The following ROBO2 variants were observed in gnomAD, a reference collection of about 807,000 sequenced individuals.
The protein encoded by ROBO2 is roundabout guidance receptor 2, also known as roundabout homolog 2.
A neutral mutation model predicts 160.8 loss-of-function variants in ROBO2; 53 were observed. The ratio of observed to expected loss-of-function variants is 0.33; its 90% CI spans 0.26 to 0.41. The LOEUF (loss-of-function observed/expected upper bound fraction) is 0.41, where lower values mean the gene tolerates loss of function less well. ROBO2 is among the 10% of genes least tolerant of loss of function. ROBO2 has a pLI of 1.00. For synonymous variants in ROBO2, 664 were observed against 611.7 expected (o/e 1.09, Z -1.26); for missense variants, 1,577 against 1,722.4 (o/e 0.92, Z 1.49).
chr3:77,242,163 G>C (rs12491865), intron 2 of ROBO2, among the ~76,000 whole-genome samples: 50,569 of 151,950 alleles, frequency 0.33, 8,713 homozygotes, highest in Non-Finnish European at 0.37. Context: ...TCACACATTT[G>C]AAGTAAGATT....
chr3:77,588,667 T>C, intron 16 of ROBO2, 84 bp from the exon 18 acceptor site: 3 of 1,293,190 alleles, frequency 2.3e-6, no homozygotes, highest in Non-Finnish European at 3.3e-6. Flanking sequence ...TCAAATAATT[T>C]TTCTTCATTT....
At chr3:76,689,181 G>A (rs1041805121) in intron 2 of ROBO2, among the ~76,000 whole-genome samples, 1 of 151,934 alleles carries the variant, frequency 6.6e-6, no homozygotes, top group Admixed American at 6.6e-5. Context: ...ATTCAATTAT[G>A]TTTCAGAAAT....
At position 77,372,658 on chromosome 3, in the gene ROBO2, C is replaced by T. The variant is rs529093854; in HGVS notation, c.389-104756C>T. Among the ~76,000 whole-genome samples the T allele has an allele frequency of 3.3e-5, 5 of 151,944 alleles. No homozygotes were observed. The East Asian group carries it at 9.7e-4, about 29-fold the overall frequency. ...ATGTAAATTAAAGTTGAAATATTAT[C>T]TGTGTTGAATGGAAGTATACAATTC... is the stretch of plus-strand genomic sequence containing the variant. On this transcript the variant is annotated intron_variant, in intron 2 of 25. Coordinates refer to ENST00000461745, the Ensembl canonical transcript of ROBO2.
intron 21 of ROBO2, among the ~76,000 whole-genome samples, chr3:77,615,701 C>T (rs1323670481): frequency 6.6e-6 from 1 of 152,128 alleles, no homozygotes; most frequent in African/African-American, 2.4e-5. Context: ...TATTCCATTG[C>T]ATGGATGTAA....
At chr3:76,284,975 T>C (rs1708435806) in intron 2 of ROBO2, among the ~76,000 whole-genome samples, 1 of 152,176 alleles carries the variant, frequency 6.6e-6, no homozygotes, top group Non-Finnish European at 1.5e-5. Flanking sequence ...TAGCAAACCT[T>C]TTCTGTGCTG....
chr3:77,395,380 A>C (rs2153505142), intron 2 of ROBO2, among the ~76,000 whole-genome samples: 1 of 152,270 alleles, frequency 6.6e-6, no homozygotes, highest in East Asian at 1.9e-4. Flanking sequence ...TACTTTATTA[A>C]AAATTGAGTG....
At chr3:77,091,105 A>C (rs2070180264) in intron 1 of ROBO2, among the ~76,000 whole-genome samples, 1 of 152,158 alleles carries the variant, frequency 6.6e-6, no homozygotes, top group Non-Finnish European at 1.5e-5. Flanking sequence ...TTGTGGAGGG[A>C]CTAATAGCTG....
Position 76,441,240 on chromosome 3 carries a change from C to T in ROBO2, c.109+503638C>T, listed in dbSNP as rs537986458. On this transcript the variant is annotated intron_variant, in intron 2 of 26. Coordinates refer to the ROBO2 transcript ENST00000487694. The stretch of plus-strand genomic sequence containing the variant: ...AATTACTTGGATAGAGAAAAGTTAT[C>T]GAAGAGTTTCTAAGAAGCCTAGAAT... Among the ~76,000 whole-genome samples, 22 of 152,202 alleles carry T rather than the reference C, an allele frequency of 1.4e-4. No homozygotes were observed. The South Asian group carries it at 3.9e-3, about 27-fold the overall frequency.
chr3:76,694,832 C>T (rs2107311741), intron 2 of ROBO2, among the ~76,000 whole-genome samples: 1 of 152,136 alleles, frequency 6.6e-6, no homozygotes, highest in Middle Eastern at 3.4e-3. Context: ...TTAGTTTTAT[C>T]TTCTTTTATT....
intron 2 of ROBO2, among the ~76,000 whole-genome samples, chr3:76,313,342 T>C (rs1352820404): frequency 6.6e-6 from 1 of 152,246 alleles, no homozygotes; most frequent in East Asian, 1.9e-4. Context: ...CTATTGATGG[T>C]GGTGTGTTAT....
chr3:76,665,845 T>A (rs1209432029), intron 2 of ROBO2, among the ~76,000 whole-genome samples: 1 of 146,726 alleles, frequency 6.8e-6, no homozygotes, highest in Non-Finnish European at 1.5e-5. Flanking sequence ...ATTAAAAATA[T>A]TGTGTGATTG....
chr3:76,774,459 A>G (rs1356138336), intron 2 of ROBO2, among the ~76,000 whole-genome samples: 1 of 150,996 alleles, frequency 6.6e-6, no homozygotes, highest in Non-Finnish European at 1.5e-5. Context: ...AGTCTAATTC[A>G]TCGTATATCT....
At chr3:76,237,530 C>A (rs1456549831) in intron 2 of ROBO2, among the ~76,000 whole-genome samples, 1 of 152,118 alleles carries the variant, frequency 6.6e-6, no homozygotes, top group Non-Finnish European at 1.5e-5. Flanking sequence ...TCCTTTGTAT[C>A]ATTGAGACTT....
chr3:77,469,583 C>T (rs1179209438), intron 2 of ROBO2, among the ~76,000 whole-genome samples: 2 of 151,986 alleles, frequency 1.3e-5, no homozygotes, highest in Non-Finnish European at 2.9e-5. Flanking sequence ...TATGATATAC[C>T]TATAATTTGT....
Position 76,115,529 on chromosome 3 carries a change from A to G in ROBO2, c.109+177927A>G, listed in dbSNP as rs114304909. ...TCTCAGTCCAAGCTGCTTGGTATGT[A>G]AAACTAATTTAAAAATAGATTCTTC... is the stretch of plus-strand genomic sequence containing the variant. On this transcript the variant is annotated intron_variant, in intron 2 of 26. Coordinates refer to the ROBO2 transcript ENST00000487694. Among the ~76,000 whole-genome samples, 715 of 152,258 alleles carry G rather than the reference A, an allele frequency of 4.7e-3. 12 individuals are homozygous for G. The highest frequency in any genetic ancestry group is 0.015 in the African/African-American group (624 of 41,568).
chr3:76,952,119 T>A (rs1042205148), intron 2 of ROBO2, among the ~76,000 whole-genome samples: 1 of 152,192 alleles, frequency 6.6e-6, no homozygotes, highest in Non-Finnish European at 1.5e-5. Flanking sequence ...AGACCTCCCA[T>A]CCCATAGTAG....
At position 76,002,730 on chromosome 3, in the gene ROBO2, C is replaced by G. The variant is rs942823368; in HGVS notation, c.109+65128C>G. Among the ~76,000 whole-genome samples, 4 of 152,070 alleles carry G rather than the reference C, an allele frequency of 2.6e-5. 1 individual carries two copies. The highest frequency in any genetic ancestry group is 2.6e-4 in the Admixed American group (4 of 15,270). On this transcript the variant is annotated intron_variant, in intron 2 of 26. Transcript: ENST00000487694. Reference sequence around the variant, plus strand: ...GCAGCAGGAGAACAGACTAAAACACCAAGAAACACCCAAAGCTTCAAGACA... The same window carrying G: ...GCAGCAGGAGAACAGACTAAAACACGAAGAAACACCCAAAGCTTCAAGACA...
Position 76,318,474 on chromosome 3 carries a change from CA to C in ROBO2, c.109+380875del, listed in dbSNP as rs1429584573. On this transcript the variant is annotated intron_variant, in intron 2 of 26. Transcript: ENST00000487694. ...ACACACATGCATATACACATATTTA[CA>C]AACATATACACACACATTTGTTTAA... 2.6e-5 allele frequency among the ~76,000 whole-genome samples: 4 copies of C among 152,056 alleles called. No homozygotes were observed. The East Asian group carries it at 7.7e-4, about 29-fold the overall frequency.
chr3:76,887,542 G>A (rs958224522), intron 2 of ROBO2, among the ~76,000 whole-genome samples: 7 of 151,838 alleles, frequency 4.6e-5, no homozygotes, highest in Non-Finnish European at 1.0e-4. Flanking sequence ...GGGCAGGAGC[G>A]GGCTGGTCTT....
Sources: gnomAD v4.1 joint callset for allele counts (sites outside exome capture counted in the v4.1 genomes callset) on GRCh38, gnomAD v4.1.1 for gene constraint, MANE v1.5 for transcripts, NCBI Gene and HGNC (gene_info 2026-07-23, HGNC 2026-07-21) for gene names.